Variants in AZIN2 observed in about 807,000 individuals in gnomAD.
AZIN2 encodes ODC antizyme inhibitor-2.
In AZIN2, 28 loss-of-function variants were observed where a neutral mutation model predicts 47.8. That is an observed-to-expected ratio of 0.59 (90% CI 0.43 to 0.80). The LOEUF (loss-of-function observed/expected upper bound fraction) is 0.80, where lower values mean the gene tolerates loss of function less well. Ranked by LOEUF, AZIN2 falls within the 30% of genes least tolerant of loss-of-function variation. The pLI, the probability that AZIN2 is intolerant of heterozygous loss-of-function variation, is 0.00. For synonymous variants in AZIN2, 221 were observed against 239.4 expected (o/e 0.92, Z 0.71); for missense variants, 535 against 582.5 (o/e 0.92, Z 0.84).
chr1:33,124,115 G>A (rs1163648645), downstream of AZIN2, among the ~76,000 whole-genome samples: 2 of 152,150 alleles, frequency 1.3e-5, no homozygotes, highest in Admixed American at 6.5e-5. The surrounding 1 kb of genome is among the most constrained non-coding windows in gnomAD (Gnocchi z 4.6). Flanking sequence ...GCATTGAGCC[G>A]AGATCCTGCC....
the AZIN2 span, among the ~76,000 whole-genome samples, chr1:33,157,643 T>C: frequency 1.3e-5 from 2 of 152,220 alleles, no homozygotes; most frequent in African/African-American, 4.8e-5. Flanking sequence ...GAACAGTTCC[T>C]GATGTGAACT....
chr1:33,155,773 C>T, the AZIN2 span, among the ~76,000 whole-genome samples: 1 of 152,214 alleles, frequency 6.6e-6, no homozygotes, highest in African/African-American at 2.4e-5. Flanking sequence ...GACTCAGGAA[C>T]ACACAGGGTT....
intron 9 of AZIN2, chr1:33,097,081 A>T: frequency 1.7e-6 from 1 of 600,768 alleles, no homozygotes; most frequent in Middle Eastern, 4.7e-4. Flanking sequence ...TATTTTGTGA[A>T]GATTGAGAGC....
chr1:33,143,254 C>T, the AZIN2 span: 1 of 152,200 alleles, frequency 6.6e-6, no homozygotes, highest in Non-Finnish European at 1.5e-5. Context: ...GTTACTTCCA[C>T]ACACGTGGAA....
intron 10 of AZIN2, among the ~76,000 whole-genome samples, chr1:33,110,374 A>C (rs935463376): frequency 2.0e-5 from 3 of 152,228 alleles, no homozygotes; most frequent in Admixed American, 1.3e-4. Flanking sequence ...ACATACAAAG[A>C]AACAAGTCAT....
At chr1:33,136,993 T>C in the AZIN2 span, among the ~76,000 whole-genome samples, 1 of 146,226 alleles carries the variant, frequency 6.8e-6, no homozygotes, top group Admixed American at 6.8e-5. Context: ...CAAGACTCAG[T>C]CTCCAAAAAA....
At chr1:33,115,158 G>C (rs1354063732) in intron 10 of AZIN2, among the ~76,000 whole-genome samples, 3 of 152,088 alleles carry the variant, frequency 2.0e-5, no homozygotes, top group African/African-American at 4.8e-5. Flanking sequence ...TTCCCTCTCT[G>C]AGTTTTCTCA....
At position 33,098,197 on chromosome 1, in the gene AZIN2, G is replaced by T; in HGVS notation, c.1029+18G>T. 2 of 1,568,158 alleles carry T rather than the reference G, an allele frequency of 1.3e-6. No individual in the cohort carries two copies. Among genetic ancestry groups the T allele is most frequent in the Non-Finnish European group, 1.7e-6 (2 of 1,147,294 alleles). Reference sequence around the variant, plus strand: ...TGCAGAAGGTGAGCTTACCCCACGTGGGCCTGTTTTCAGTTGTGTGTGTGT... The same window carrying T: ...TGCAGAAGGTGAGCTTACCCCACGTTGGCCTGTTTTCAGTTGTGTGTGTGT... On this transcript the variant is annotated intron_variant, in intron 10 of 11. Transcript: ENST00000294517.
At position 33,120,283 on chromosome 1, in the gene AZIN2, G is replaced by T. The variant is rs1644764057; in HGVS notation, c.*101G>T. ...CAAGGGTACCCTTGGCCAGGACTCT[G>T]GTGCCCACCCTGCCACCCCCGCGCT... On this transcript the variant is annotated 3_prime_UTR_variant, in exon 12 of 12. Transcript: ENST00000294517. The T allele has an allele frequency of 2.0e-6, 3 of 1,495,446 alleles. No individual in the cohort carries two copies. 92.6% of individuals were successfully genotyped at this position (1,495,446 alleles called of 1,614,324 possible).
chr1:33,154,925 C>G, the AZIN2 span, among the ~76,000 whole-genome samples: 1 of 151,606 alleles, frequency 6.6e-6, no homozygotes, highest in Admixed American at 6.6e-5. Flanking sequence ...AACCCCGTCT[C>G]TACTAAAAAT....
intron 10 of AZIN2, among the ~76,000 whole-genome samples, chr1:33,101,389 T>G (rs1251337253): frequency 6.6e-6 from 1 of 152,186 alleles, no homozygotes; most frequent in Middle Eastern, 3.2e-3. Flanking sequence ...TTGGTAATTT[T>G]AAACTGAGTT....
At chr1:33,147,146 C>G in the AZIN2 span, 1 of 1,601,976 alleles carries the variant, frequency 6.2e-7, no homozygotes, top group African/African-American at 1.3e-5. This position sits in a 1 kb window ranked among gnomAD's most constrained non-coding sequence, Gnocchi z 8.1. Context: ...TGGCAGTGGT[C>G]CCAGGAGGTT....
chr1:33,136,255 CTTTT>C, the AZIN2 span, among the ~76,000 whole-genome samples: 5 of 149,710 alleles, frequency 3.3e-5, no homozygotes, highest in Admixed American at 2.0e-4. Flanking sequence ...TTCTCTCTTT[CTTTT>C]TCTTTCTCTC....
the AZIN2 span, among the ~76,000 whole-genome samples, chr1:33,134,830 A>G: frequency 1.3e-5 from 2 of 152,216 alleles, no homozygotes; most frequent in Non-Finnish European, 1.5e-5. Flanking sequence ...CTGTGCTCCC[A>G]GGAGAAATCC....
At chr1:33,135,782 TGCCTG>T in the AZIN2 span, among the ~76,000 whole-genome samples, 3 of 152,242 alleles carry the variant, frequency 2.0e-5, no homozygotes, top group African/African-American at 7.2e-5. Flanking sequence ...GTGCTATCTT[TGCCTG>T]GTCACCATCA....
intron 5 of AZIN2, among the ~76,000 whole-genome samples, chr1:33,086,675 C>T (rs1207050656): frequency 2.0e-5 from 3 of 152,222 alleles, no homozygotes; most frequent in Non-Finnish European, 4.4e-5. Context: ...ACAGCTTGCT[C>T]GGGGACTCTG....
At chr1:33,115,145 A>C (rs191171648) in intron 10 of AZIN2, among the ~76,000 whole-genome samples, 2 of 152,070 alleles carry the variant, frequency 1.3e-5, no homozygotes, top group Admixed American at 1.3e-4. Flanking sequence ...TGGGCAGGTC[A>C]CCTTCCCTCT....
the AZIN2 span, chr1:33,147,856 TAC>T: frequency 9.6e-7 from 1 of 1,039,736 alleles, no homozygotes; most frequent in South Asian, 1.6e-5. This position sits in a 1 kb window ranked among gnomAD's most constrained non-coding sequence, Gnocchi z 8.1. Flanking sequence ...TGACCTTGAA[TAC>T]AAGTCTGCCC....
At chr1:33,129,607 C>A in the AZIN2 span, among the ~76,000 whole-genome samples, 1 of 152,174 alleles carries the variant, frequency 6.6e-6, no homozygotes, top group South Asian at 2.1e-4. The surrounding 1 kb of genome is among the most constrained non-coding windows in gnomAD (Gnocchi z 4.1). Flanking sequence ...ATATGTATGA[C>A]TCTTTTGTGT....
Sources: gnomAD v4.1 joint callset for allele counts (sites outside exome capture counted in the v4.1 genomes callset) on GRCh38, gnomAD v4.1.1 for gene constraint, Gnocchi (gnomAD v3.1) non-coding constraint, MANE v1.5 for transcripts, NCBI Gene and HGNC (gene_info 2026-07-23, HGNC 2026-07-21) for gene names.